Variants in LPAR1 observed in about 807,000 individuals in gnomAD.
LPAR1 encodes the protein LPA receptor 1.
LPAR1 carries 5 observed loss-of-function variants against 23.8 expected under a neutral mutation model. That is an observed-to-expected ratio of 0.21 (90% CI 0.11 to 0.44). LPAR1 has a LOEUF of 0.44. Among genes scored for constraint, LPAR1 ranks in the 20% least tolerant of loss-of-function variants. LPAR1 has a pLI of 0.99. For synonymous variants in LPAR1, 160 were observed against 164.7 expected (o/e 0.97, Z 0.22); for missense variants, 311 against 482.8 (o/e 0.64, Z 3.33).
chr9:110,942,210 G>C, intron 4 of LPAR1, 42 bp from the exon 5 acceptor site: 2 of 1,550,324 alleles, frequency 1.3e-6, no homozygotes, highest in Non-Finnish European at 1.7e-6. Flanking sequence ...AGAAGGCACA[G>C]GTCCAAATTT....
At chr9:110,898,049 A>T (rs1296972593) in intron 5 of LPAR1, among the ~76,000 whole-genome samples, 1 of 152,222 alleles carries the variant, frequency 6.6e-6, no homozygotes, top group East Asian at 1.9e-4. Context: ...ACTGGTCTTC[A>T]GATACGTATT....
Position 110,941,706 on chromosome 9 carries a change from C to T in LPAR1, c.508G>A (p.Val170Ile). 1 of 1,614,166 alleles carries T rather than the reference C, an allele frequency of 6.2e-7. No individual in the cohort carries two copies. Among genetic ancestry groups the T allele is most frequent in the South Asian group, 1.1e-5 (1 of 91,078 alleles). ...SNRRVVVVIV[V>I]IWTMAIVMGA... is the part of the protein sequence containing the mutation. ...ATAACGATGGCCATAGTCCAGATGA[C>T]CACAATGACCACCACTACCCGCCGG... Residue 170 changes from valine to isoleucine, a missense_variant, in exon 5 of 6, where the codon GTC (valine) becomes ATC (isoleucine). Coordinates refer to ENST00000683809, the MANE Select transcript of LPAR1 (RefSeq NM_001351411.2). The surrounding 1 kb of genome is among the most constrained non-coding windows in gnomAD (Gnocchi z 6.1).
At chr9:111,021,994 CAAG>C (rs936623108) in intron 2 of LPAR1, among the ~76,000 whole-genome samples, 3 of 138,118 alleles carry the variant, frequency 2.2e-5, no homozygotes, top group Non-Finnish European at 3.1e-5. Context: ...AAAAAAGTCT[CAAG>C]AGAATTCTAA....
intron 5 of LPAR1, among the ~76,000 whole-genome samples, chr9:110,898,016 T>C (rs1228063013): frequency 6.6e-6 from 1 of 152,184 alleles, no homozygotes; most frequent in African/African-American, 2.4e-5. Context: ...ATTAGAATCA[T>C]AGTCTTGACA....
intron 5 of LPAR1, among the ~76,000 whole-genome samples, chr9:110,926,742 C>T (rs1369033308): frequency 6.6e-6 from 1 of 151,862 alleles, no homozygotes; most frequent in Non-Finnish European, 1.5e-5. Context: ...CCCTTCTGAT[C>T]CTCTCCCCTG....
chr9:110,984,511 T>C (rs1365130879), intron 2 of LPAR1, among the ~76,000 whole-genome samples: 1 of 152,144 alleles, frequency 6.6e-6, no homozygotes, highest in East Asian at 1.9e-4. Context: ...AAATCTTGGC[T>C]ATTGTGAACA....
At chr9:110,882,001 A>G (rs2081004830) in intron 5 of LPAR1, among the ~76,000 whole-genome samples, 1 of 152,142 alleles carries the variant, frequency 6.6e-6, no homozygotes. Flanking sequence ...TTATAGATCC[A>G]TCTGCTGGGA....
intron 2 of LPAR1, among the ~76,000 whole-genome samples, chr9:111,016,653 T>C (rs187007364): frequency 6.6e-6 from 1 of 152,350 alleles, no homozygotes; most frequent in East Asian, 1.9e-4. Flanking sequence ...GGATGCAGTA[T>C]TGAGCTTAAT....
chr9:110,890,875 G>A (rs1438748367), intron 5 of LPAR1, among the ~76,000 whole-genome samples: 1 of 152,136 alleles, frequency 6.6e-6, no homozygotes, highest in Admixed American at 6.5e-5. Context: ...TTAAAAGGAA[G>A]ATAAAACACC....
rs2083902397 is a variant in LPAR1, at chr9:110,890,800, A to C, written c.794-15078T>G. 2.6e-5 allele frequency among the ~76,000 whole-genome samples: 4 copies of C among 152,250 alleles called. No homozygotes were observed. The South Asian group carries it at 8.3e-4, about 31-fold the overall frequency. On this transcript the variant is annotated intron_variant, in intron 5 of 5. Transcript: ENST00000683809. ...ACTAGGAAATCTCTTAATGCAATTC[A>C]CCACACTATTAAGAAAAAATATTAG... is the stretch of plus-strand genomic sequence containing the variant.
intron 5 of LPAR1, among the ~76,000 whole-genome samples, chr9:110,892,524 C>T (rs1182500249): frequency 1.3e-5 from 2 of 151,886 alleles, no homozygotes; most frequent in Admixed American, 6.6e-5. Flanking sequence ...ATTAGCCAGG[C>T]GAGGTGGCGT....
chr9:110,953,329 C>T (rs2095629088), intron 4 of LPAR1, among the ~76,000 whole-genome samples: 1 of 152,186 alleles, frequency 6.6e-6, no homozygotes, highest in Admixed American at 6.5e-5. Flanking sequence ...ACCTTTGCCA[C>T]AGCCTCCACA....
chr9:110,936,823 T>C (rs955085191), intron 5 of LPAR1, among the ~76,000 whole-genome samples: 2 of 152,140 alleles, frequency 1.3e-5, no homozygotes, highest in African/African-American at 4.8e-5. Flanking sequence ...GATCTCCTCC[T>C]CTCTAAGTAT....
chr9:111,030,940 A>C (rs2097783316), intron 2 of LPAR1, among the ~76,000 whole-genome samples: 1 of 152,212 alleles, frequency 6.6e-6, no homozygotes, highest in African/African-American at 2.4e-5. Context: ...GAGTATGTAT[A>C]AACATATCCA....
At chr9:110,880,471 A>G (rs1227372310) in intron 5 of LPAR1, among the ~76,000 whole-genome samples, 1 of 152,232 alleles carries the variant, frequency 6.6e-6, no homozygotes, top group East Asian at 1.9e-4. Flanking sequence ...TACATATGGA[A>G]TGCAAGAACC....
intron 5 of LPAR1, among the ~76,000 whole-genome samples, chr9:110,899,890 G>A (rs1170044391): frequency 6.6e-6 from 1 of 152,140 alleles, no homozygotes; most frequent in African/African-American, 2.4e-5. Context: ...CCCACTCAGT[G>A]CCAGTAATAC....
rs767053939 is a variant in LPAR1 at position 110,972,161 on chromosome 9, G to A, written c.-44C>T. 7.0e-6 allele frequency: 11 copies of A among 1,582,616 alleles called. No individual in the cohort carries two copies. In the African/African-American group the frequency reaches 8.1e-5, roughly 12 times the overall value. On this transcript the variant is annotated 5_prime_UTR_variant, in exon 4 of 6. Transcript: ENST00000683809. The stretch of plus-strand genomic sequence containing the variant: ...GGTGGTGAACACGCCCCAGAACTAC[G>A]GGAGACAAATTTTCTTGTTTGCTGA...
At chr9:110,904,979 C>T (rs1325144898) in intron 5 of LPAR1, among the ~76,000 whole-genome samples, 1 of 152,196 alleles carries the variant, frequency 6.6e-6, no homozygotes, top group Non-Finnish European at 1.5e-5. Flanking sequence ...TCAAATGTAG[C>T]ATAAACCTAC....
At chr9:110,917,749 G>A (rs937527635) in intron 5 of LPAR1, among the ~76,000 whole-genome samples, 6 of 152,082 alleles carry the variant, frequency 3.9e-5, no homozygotes, top group Non-Finnish European at 8.8e-5. Flanking sequence ...AATCATGAAC[G>A]TTATTGTGTT....
Sources: allele counts gnomAD v4.1 joint callset (sites outside exome capture counted in the v4.1 genomes callset), GRCh38; gene constraint gnomAD v4.1.1; non-coding constraint Gnocchi (gnomAD v3.1); transcripts MANE v1.5; gene names NCBI Gene and HGNC (gene_info 2026-07-23, HGNC 2026-07-21).